The following SERTAD4 variants were observed in gnomAD, a reference collection of about 807,000 sequenced individuals.
SERTAD4 encodes the protein SERTA domain-containing protein 4.
Under a neutral mutation model 32.9 loss-of-function variants are expected in SERTAD4, and 18 were observed. That is an observed-to-expected ratio of 0.55 (90% CI 0.38 to 0.81). The LOEUF is 0.81. Among genes scored for constraint, SERTAD4 ranks in the 30% least tolerant of loss-of-function variants. SERTAD4 has a pLI of 0.00. For synonymous variants in SERTAD4, 150 were observed against 156.4 expected (o/e 0.96, Z 0.30); for missense variants, 383 against 426.0 (o/e 0.90, Z 0.89).
chr1:210,241,483 A>G lies in SERTAD4; in HGVS notation c.292-75A>G, dbSNP rs972010173. The G allele has an allele frequency of 2.1e-6, 3 of 1,409,052 alleles. No individual in the cohort carries two copies. In the African/African-American group the frequency reaches 4.4e-5, roughly 20 times the overall value. The allele number at this position is 1,409,052 out of a possible 1,614,324, so 87.3% of individuals were successfully genotyped here. ...AGAAGTATGCTATGATGATGTTTTC[A>G]TATAGTCCATTTTCTAAGCTTTCTC... is the stretch of plus-strand genomic sequence containing the variant. On this transcript the variant is annotated intron_variant, in intron 3 of 3. Coordinates refer to ENST00000367012, the MANE Select transcript of SERTAD4 (RefSeq NM_019605.5).
Position 210,236,805 on chromosome 1 carries a change from T to C in SERTAD4, c.-17-1139T>C, listed in dbSNP as rs184664472. Among the ~76,000 whole-genome samples the C allele has an allele frequency of 4.8e-3, 726 of 152,278 alleles. 4 individuals carry two copies. Among genetic ancestry groups the C allele is most frequent in the Non-Finnish European group, 6.6e-3 (448 of 68,012 alleles). ...TTGAGTCTCCTAAAGGGATTGGCAG[T>C]TAAGGAGGCACTGAGGTTGCGCTAC... On this transcript the variant is annotated intron_variant, in intron 1 of 3. Transcript: ENST00000367012.
intron 2 of SERTAD4, among the ~76,000 whole-genome samples, chr1:210,238,534 G>A (rs1269556088): frequency 6.6e-6 from 1 of 152,188 alleles, no homozygotes; most frequent in African/African-American, 2.4e-5. Flanking sequence ...AAAGGAATCT[G>A]CACTTTGGGC....
At chr1:210,241,534 C>CTTTTTTTTTTTTTTTTTTTT in intron 3 of SERTAD4, 24 bp from the exon 4 acceptor site, 4 of 1,110,534 alleles carry the variant, frequency 3.6e-6, no homozygotes, top group South Asian at 2.2e-5. Flanking sequence ...TTGTTTTTTT[C>CTTTTTTTTTTTTTTTTTTTT]TTTTTTTTTT....
At chr1:210,233,994 T>TCAA in intron 1 of SERTAD4, 1 of 334,782 alleles carries the variant, frequency 3.0e-6, no homozygotes, top group South Asian at 2.3e-5. Flanking sequence ...GTTTTTTTTT[T>TCAA]AAAAAAAAAA....
Position 210,244,642 on chromosome 1 carries a change from A to G in SERTAD4, c.*2305A>G, listed in dbSNP as rs1274360058. On this transcript the variant is annotated 3_prime_UTR_variant, in exon 4 of 4. Transcript: ENST00000367012. Reference sequence around the variant, plus strand: ...TGTAATATCTCATGGAGATTTAAATATGAACGAAAGGACTTATCCTTCTGC... The same window carrying G: ...TGTAATATCTCATGGAGATTTAAATGTGAACGAAAGGACTTATCCTTCTGC... The G allele has an allele frequency of 6.6e-6, 1 of 152,164 alleles. No individual in the cohort carries two copies. The highest frequency in any genetic ancestry group is 1.5e-5 in the Non-Finnish European group (1 of 68,020). 9.4% of individuals were successfully genotyped at this position (152,164 alleles called of 1,614,324 possible). A position where few individuals can be genotyped will look rare whatever the true frequency, so the allele number is the denominator to read the frequency against.
chr1:210,241,973 C>T lies in SERTAD4; in HGVS notation c.707C>T (p.Pro236Leu). 6.2e-7 allele frequency: 1 copy of T among 1,614,148 alleles called. No homozygotes were observed. The highest frequency in any genetic ancestry group is 8.5e-7 in the Non-Finnish European group (1 of 1,180,034). Reference sequence around the variant, plus strand: ...TCTTCCTCTTCCTCTCCCCCTTTGCCTTTACCGAGTTGTTCCCGCCAGGTG... The same window carrying T: ...TCTTCCTCTTCCTCTCCCCCTTTGCTTTTACCGAGTTGTTCCCGCCAGGTG... ...SSSSSSSPPL[P>L]LPSCSRQVDF... The change falls in exon 4 of 4, where the codon CCT becomes CTT. Residue 236 changes from proline (P) to leucine (L), a missense_variant. By Grantham distance (98) the Pro-to-Leu change is moderately conservative. Transcript: ENST00000367012.
Position 210,243,183 on chromosome 1 carries a change from A to T in SERTAD4, c.*846A>T, listed in dbSNP as rs1006695069. The T allele has an allele frequency of 1.2e-5, 11 of 949,134 alleles. No homozygotes were observed. Among genetic ancestry groups the T allele is most frequent in the Non-Finnish European group, 1.4e-5 (11 of 798,558 alleles). 58.8% of individuals were successfully genotyped at this position (949,134 alleles called of 1,614,324 possible). A position where few individuals can be genotyped will look rare whatever the true frequency, so the allele number is the denominator to read the frequency against. Reference sequence around the variant, plus strand: ...ACTATTGTGTTCAGCTTTTGATTCGACATCTCTATTCTTTATTTTTGATGC... The same window carrying T: ...ACTATTGTGTTCAGCTTTTGATTCGTCATCTCTATTCTTTATTTTTGATGC... On this transcript the variant is annotated 3_prime_UTR_variant, in exon 4 of 4. Coordinates refer to ENST00000367012, the MANE Select transcript of SERTAD4 (RefSeq NM_019605.5).
Position 210,243,111 on chromosome 1 carries a change from AAAAAC to A in SERTAD4, c.*775_*779del. On this transcript the variant is annotated 3_prime_UTR_variant, in exon 4 of 4. Coordinates refer to ENST00000367012, the MANE Select transcript of SERTAD4 (RefSeq NM_019605.5). ...AACAGGACAAAAAAAAAAAAAAAAA[AAAAAC>A]CACAGGGTGGATCAATATGGTTTGG... The A allele has an allele frequency of 1.0e-6, 1 of 968,486 alleles. No homozygotes were observed. Among genetic ancestry groups the A allele is most frequent in the Non-Finnish European group, 1.2e-6 (1 of 816,744 alleles). The allele number at this position is 968,486 out of a possible 1,614,324, so 60.0% of individuals were successfully genotyped here.
intron 3 of SERTAD4, 137 bp downstream of exon 3, chr1:210,239,745 C>T (rs917360851): frequency 3.7e-6 from 2 of 543,416 alleles, no homozygotes; most frequent in South Asian, 3.1e-5. Context: ...CCTCATTAAT[C>T]GTTGTCGCTT....
At chr1:210,237,592 T>G in intron 1 of SERTAD4, 1 of 183,582 alleles carries the variant, frequency 5.4e-6, no homozygotes, top group Non-Finnish European at 1.1e-5. Flanking sequence ...AGCGCAAGGG[T>G]TTTGGCTTCT....
intron 2 of SERTAD4, among the ~76,000 whole-genome samples, chr1:210,239,148 T>G (rs2083971538): frequency 6.6e-6 from 1 of 152,194 alleles, no homozygotes; most frequent in Admixed American, 6.5e-5. Flanking sequence ...TGTCATGAAT[T>G]TAATTAAACA....
intron 3 of SERTAD4, among the ~76,000 whole-genome samples, chr1:210,241,273 T>TGTC (rs936634271): frequency 1.4e-4 from 21 of 152,136 alleles, no homozygotes; most frequent in Non-Finnish European, 2.8e-4. Context: ...CCACCTGAAC[T>TGTC]GTCCCTCCTG....
intron 3 of SERTAD4, 110 bp downstream of exon 3, chr1:210,239,718 G>A: frequency 1.6e-6 from 1 of 630,508 alleles, no homozygotes; most frequent in South Asian, 2.4e-5. Context: ...ATGAAAATGA[G>A]CCACTTCTCA....
intron 2 of SERTAD4, 47 bp downstream of exon 2, chr1:210,238,182 T>A: frequency 8.7e-6 from 10 of 1,153,644 alleles, no homozygotes; most frequent in Non-Finnish European, 1.2e-5. Flanking sequence ...TCGCTGCCCT[T>A]TGCAGCCAGC....
chr1:210,242,131 G>GAC lies in SERTAD4; in HGVS notation c.868_869dup (p.Asn291ProfsTer39). ...ATTAAATGATGAGAAAGCAAATGATGACACCAACAGAGATGGTGGCCCCCT... is the reference window on the plus strand; with the variant it reads ...ATTAAATGATGAGAAAGCAAATGATGACACACCAACAGAGATGGTGGCCCCCT... On this transcript the variant is annotated frameshift_variant, in exon 4 of 4. Coordinates refer to ENST00000367012, the MANE Select transcript of SERTAD4 (RefSeq NM_019605.5). LOFTEE classifies it high-confidence loss of function. This position sits in a 1 kb window ranked among gnomAD's most constrained non-coding sequence, Gnocchi z 4.0. 1 of 1,614,200 alleles carries GAC rather than the reference G, an allele frequency of 6.2e-7. No individual in the cohort carries two copies. The highest frequency in any genetic ancestry group is 8.5e-7 in the Non-Finnish European group (1 of 1,180,026).
At chr1:210,233,787 A>G (rs1234717305) in intron 1 of SERTAD4, 1 of 470,832 alleles carries the variant, frequency 2.1e-6, no homozygotes, top group Admixed American at 2.3e-5. Flanking sequence ...GCCAGGTCCC[A>G]CGGGCGCAGG....
intron 2 of SERTAD4, among the ~76,000 whole-genome samples, chr1:210,238,648 C>T (rs762489969): frequency 3.3e-5 from 5 of 152,198 alleles, no homozygotes; most frequent in Admixed American, 6.5e-5. Flanking sequence ...TGCTCAAGGT[C>T]ATCACCAAGG....
chr1:210,241,630 C>A lies in SERTAD4; in HGVS notation c.364C>A (p.Pro122Thr). ...AGAAAAGCTAAAGTTTATCGATGAT[C>A]CTGAAGTGTACCTCCGAAGATCTGT... ...SLEKLKFIDD[P>T]EVYLRRSVLI... The change falls in exon 4 of 4, where the codon CCT becomes ACT. Residue 122 changes from proline to threonine, a missense_variant. Pro to Thr is a conservative substitution (Grantham distance 38). Around this residue, in one of 3 missense-constraint regions of SERTAD4, gnomAD observed 107 missense variants for 158.8 expected, o/e 0.67. Coordinates refer to ENST00000367012, the MANE Select transcript of SERTAD4 (RefSeq NM_019605.5). 6.2e-7 allele frequency: 1 copy of A among 1,611,112 alleles called. No homozygotes were observed. Among genetic ancestry groups the A allele is most frequent in the Non-Finnish European group, 8.5e-7 (1 of 1,179,462 alleles).
At chr1:210,235,476 C>G (rs2083932152) in intron 1 of SERTAD4, among the ~76,000 whole-genome samples, 1 of 152,216 alleles carries the variant, frequency 6.6e-6, no homozygotes, top group Non-Finnish European at 1.5e-5. Flanking sequence ...ACATAAATCA[C>G]TTGCAGAACT....
Sources: allele counts gnomAD v4.1 joint callset (sites outside exome capture counted in the v4.1 genomes callset), GRCh38; gene constraint gnomAD v4.1.1; regional missense constraint gnomAD v4.1.1; non-coding constraint Gnocchi (gnomAD v3.1); transcripts MANE v1.5; gene names NCBI Gene and HGNC (gene_info 2026-07-23, HGNC 2026-07-21).